Variants in SCP2 observed in about 807,000 individuals in gnomAD.
The protein encoded by SCP2 is sterol carrier protein 2.
In SCP2, 48 loss-of-function variants were observed where a neutral mutation model predicts 71.4. The ratio of observed to expected loss-of-function variants is 0.67; its 90% CI spans 0.53 to 0.86. The LOEUF (loss-of-function observed/expected upper bound fraction) is 0.86. Among genes scored for constraint, SCP2 ranks in the 40% least tolerant of loss-of-function variants. The probability of loss-of-function intolerance (pLI) is 0.00; values close to 1 mark genes in which losing one functional copy is unlikely to be tolerated. For missense variants in SCP2, 560 were observed against 655.6 expected (o/e 0.85, Z 1.59); for synonymous variants, 220 against 218.1 (o/e 1.01, Z -0.08).
At chr1:53,024,397 A>G (rs1661964563) in intron 12 of SCP2, among the ~76,000 whole-genome samples, 1 of 152,158 alleles carries the variant, frequency 6.6e-6, no homozygotes, top group African/African-American at 2.4e-5. Context: ...ATGGTTGCAC[A>G]ACATTATGAC....
chr1:52,973,474 A>ATAC (rs1270904305), intron 6 of SCP2, among the ~76,000 whole-genome samples: 1 of 152,132 alleles, frequency 6.6e-6, no homozygotes, highest in African/African-American at 2.4e-5. Context: ...TGCTGTCCAG[A>ATAC]TACTATGTTT....
chr1:52,939,999 C>G (rs1254198426), intron 1 of SCP2, among the ~76,000 whole-genome samples: 1 of 152,102 alleles, frequency 6.6e-6, no homozygotes, highest in Non-Finnish European at 1.5e-5. Context: ...AAGAAATTGC[C>G]GAACTTCCTA....
At chr1:52,967,818 C>G (rs1377672998) in intron 6 of SCP2, among the ~76,000 whole-genome samples, 1 of 152,156 alleles carries the variant, frequency 6.6e-6, no homozygotes, top group East Asian at 1.9e-4. Context: ...CAATTGCTTT[C>G]TTTGTACAAC....
chr1:52,935,927 G>C (rs1653698662), intron 1 of SCP2, among the ~76,000 whole-genome samples: 1 of 151,760 alleles, frequency 6.6e-6, no homozygotes, highest in African/African-American at 2.4e-5. Context: ...GACAGAGCAA[G>C]AACCTGTCTT....
At chr1:52,952,956 A>G (rs899081350) in intron 4 of SCP2, among the ~76,000 whole-genome samples, 3 of 151,528 alleles carry the variant, frequency 2.0e-5, no homozygotes, top group African/African-American at 7.3e-5. Context: ...TCACTATTTC[A>G]CTACCCAGCA....
chr1:52,937,271 TTTGGG>T (rs1405652126), intron 1 of SCP2, among the ~76,000 whole-genome samples: 1 of 152,188 alleles, frequency 6.6e-6, no homozygotes, highest in Non-Finnish European at 1.5e-5. Flanking sequence ...AAGTGGATGT[TTTGGG>T]AGCAAATAAG....
At chr1:52,968,194 G>A (rs901686996) in intron 6 of SCP2, among the ~76,000 whole-genome samples, 2 of 152,068 alleles carry the variant, frequency 1.3e-5, no homozygotes, top group East Asian at 1.9e-4. Context: ...GGCCCGTCTT[G>A]GCCTCCCAAA....
chr1:52,990,866 A>T (rs1004292137), intron 11 of SCP2, among the ~76,000 whole-genome samples: 2 of 152,176 alleles, frequency 1.3e-5, no homozygotes, highest in Non-Finnish European at 2.9e-5. Flanking sequence ...AGGCCACAAA[A>T]GTTAGATAGA....
In SCP2 at chr1:52,978,201, T is replaced by A. The variant is rs1301962974; in HGVS notation, c.675-16T>A. 6.2e-7 allele frequency: 1 copy of A among 1,612,842 alleles called. No individual in the cohort carries two copies. Among genetic ancestry groups the A allele is most frequent in the South Asian group, 1.1e-5 (1 of 91,024 alleles). On this transcript the variant is annotated splice_polypyrimidine_tract_variant and intron_variant, in intron 8 of 15. Transcript: ENST00000371514. ...GGTGCTACTGGGTGTGGAGAATTAT[T>A]TTTACTTCCTCTTAGTCCCACTTCA...
At chr1:53,031,873 G>A (rs1391838293) in intron 13 of SCP2, among the ~76,000 whole-genome samples, 1 of 152,216 alleles carries the variant, frequency 6.6e-6, no homozygotes, top group African/African-American at 2.4e-5. Flanking sequence ...TTCTCTTCAA[G>A]TATGCAGGTA....
At chr1:52,962,906 G>GAT (rs145785277) in intron 6 of SCP2, among the ~76,000 whole-genome samples, 3,520 of 149,480 alleles carry the variant, frequency 0.024, 102 homozygotes, top group African/African-American at 0.079. Flanking sequence ...CATATAACAT[G>GAT]ATATATATAT....
intron 11 of SCP2, among the ~76,000 whole-genome samples, chr1:53,014,130 C>A (rs1456028512): frequency 6.7e-6 from 1 of 148,864 alleles, no homozygotes; most frequent in African/African-American, 2.5e-5. Context: ...TGGTCTTGAT[C>A]TCCTGACCTC....
chr1:52,960,512 GTGTGTGTATA>G (rs1245926875), intron 5 of SCP2, among the ~76,000 whole-genome samples: 1 of 137,166 alleles, frequency 7.3e-6, no homozygotes, highest in African/African-American at 2.8e-5. Context: ...GTGTGTGTGT[GTGTGTGTATA>G]TGTGTGTATA....
At position 53,051,229 on chromosome 1, in the gene SCP2, A is replaced by G. The variant is rs1664179408; in HGVS notation, c.*525A>G. On this transcript the variant is annotated 3_prime_UTR_variant, in exon 16 of 16. Coordinates refer to ENST00000371514, the MANE Select transcript of SCP2 (RefSeq NM_002979.5). ...AATTTTGCATTTCATGCTATCAGAAACAGTATTTTCTTCCCAAATCAAAAT... is the reference window on the plus strand; with the variant it reads ...AATTTTGCATTTCATGCTATCAGAAGCAGTATTTTCTTCCCAAATCAAAAT... 6.6e-6 allele frequency: 1 copy of G among 152,396 alleles called. No homozygotes were observed. Among genetic ancestry groups the G allele is most frequent in the Non-Finnish European group, 1.5e-5 (1 of 68,194 alleles). 9.4% of individuals were successfully genotyped at this position (152,396 alleles called of 1,614,324 possible).
chr1:52,999,182 T>C (rs1660143616), intron 11 of SCP2, among the ~76,000 whole-genome samples: 1 of 152,218 alleles, frequency 6.6e-6, no homozygotes, highest in African/African-American at 2.4e-5. Flanking sequence ...TTGCTACATA[T>C]TGAGGATTTG....
In SCP2 at chr1:53,003,416, C is replaced by T. The variant is rs1023128306; in HGVS notation, c.1082-11474C>T. On this transcript the variant is annotated intron_variant, in intron 11 of 15. Coordinates refer to ENST00000371514, the MANE Select transcript of SCP2 (RefSeq NM_002979.5). ...TACATTTTTGGTAGAGACGGGCTTT[C>T]GCCATGTTGCTTAGGCTGGTCTCGA... is the stretch of plus-strand genomic sequence containing the variant. 9.9e-5 allele frequency among the ~76,000 whole-genome samples: 15 copies of T among 152,198 alleles called. No homozygotes were observed. In the Middle Eastern group the frequency reaches 0.01, roughly 104 times the overall value.
intron 13 of SCP2, among the ~76,000 whole-genome samples, chr1:53,037,449 T>C (rs887503913): frequency 1.3e-5 from 2 of 152,048 alleles, no homozygotes; most frequent in African/African-American, 4.8e-5. Flanking sequence ...CTCCTATCTC[T>C]ATATCCTTGG....
At chr1:53,003,069 T>C (rs991630071) in intron 11 of SCP2, among the ~76,000 whole-genome samples, 1 of 152,218 alleles carries the variant, frequency 6.6e-6, no homozygotes, top group Non-Finnish European at 1.5e-5. Flanking sequence ...TTTTGCATTT[T>C]TACCACTGCA....
At chr1:52,952,532 G>T (rs1323679146) in intron 4 of SCP2, among the ~76,000 whole-genome samples, 1 of 152,132 alleles carries the variant, frequency 6.6e-6, no homozygotes. Context: ...CTGTTTATCA[G>T]TTGATGGACA....
Sources: gnomAD v4.1 joint callset for allele counts (sites outside exome capture counted in the v4.1 genomes callset) on GRCh38, gnomAD v4.1.1 for gene constraint, MANE v1.5 for transcripts, NCBI Gene and HGNC (gene_info 2026-07-23, HGNC 2026-07-21) for gene names.